Variants in UBR1 observed in about 807,000 individuals in gnomAD.
UBR1 encodes ubiquitin protein ligase E3 component n-recognin 1.
Under a neutral mutation model 242.1 loss-of-function variants are expected in UBR1, and 102 were observed. The ratio of observed to expected loss-of-function variants is 0.42; its 90% CI spans 0.36 to 0.50. The LOEUF is 0.50. UBR1 is among the 20% of genes least tolerant of loss of function. The pLI is 0.01. For missense variants in UBR1, 1,772 were observed against 2,101.8 expected (o/e 0.84, Z 3.07); for synonymous variants, 675 against 684.8 (o/e 0.99, Z 0.22).
Position 42,960,627 on chromosome 15 carries a change from T to A in UBR1, c.4757+18A>T. The A allele has an allele frequency of 1.9e-6, 3 of 1,613,414 alleles. No individual in the cohort carries two copies. Among genetic ancestry groups the A allele is most frequent in the Non-Finnish European group, 1.7e-6 (2 of 1,179,458 alleles). On this transcript the variant is annotated intron_variant, in intron 43 of 46. Transcript: ENST00000290650. ...CAACTTGTGGATGAGGGAGAAAGGA[T>A]TAAGTAGTAAAACCAACCTGACCAC...
intron 22 of UBR1, among the ~76,000 whole-genome samples, 154 bp downstream of exon 22, chr15:43,027,622 A>C (rs536069911): frequency 6.6e-6 from 1 of 152,130 alleles, no homozygotes; most frequent in African/African-American, 2.4e-5. Flanking sequence ...CTAAGTGTCT[A>C]CTGTGAGCCC....
intron 44 of UBR1, among the ~76,000 whole-genome samples, chr15:42,954,160 C>T (rs926360522): frequency 2.0e-5 from 3 of 152,112 alleles, no homozygotes; most frequent in African/African-American, 7.2e-5. Context: ...GCTGGGGTTA[C>T]AGACATGAGC....
chr15:43,000,510 CCTTTAT>C (rs1288655733), intron 32 of UBR1, among the ~76,000 whole-genome samples: 18 of 152,250 alleles, frequency 1.2e-4, no homozygotes, highest in Admixed American at 2.6e-4. Flanking sequence ...ATTATGATTT[CCTTTAT>C]CTTTGTCTTC....
At chr15:42,950,785 T>C (rs1328425519) in intron 45 of UBR1, among the ~76,000 whole-genome samples, 1 of 152,144 alleles carries the variant, frequency 6.6e-6, no homozygotes, top group Non-Finnish European at 1.5e-5. Flanking sequence ...GAATATCAAC[T>C]AGGGAAGTAT....
chr15:42,964,878 A>G (rs2032080650), intron 41 of UBR1, among the ~76,000 whole-genome samples: 1 of 152,216 alleles, frequency 6.6e-6, no homozygotes, highest in African/African-American at 2.4e-5. Flanking sequence ...TATGAAAACT[A>G]TCTCAGAGAG....
chr15:43,042,828 A>T (rs2033436859), intron 15 of UBR1, among the ~76,000 whole-genome samples: 1 of 152,208 alleles, frequency 6.6e-6, no homozygotes, highest in Non-Finnish European at 1.5e-5. Context: ...GATTAAGGAG[A>T]ATCTATGATT....
intron 35 of UBR1, among the ~76,000 whole-genome samples, chr15:42,986,800 G>C (rs1049207520): frequency 2.0e-5 from 3 of 152,202 alleles, no homozygotes; most frequent in African/African-American, 7.2e-5. Flanking sequence ...GCAGACAGGT[G>C]GGAGGCCACG....
chr15:42,984,750 A>C (rs1369201664), intron 36 of UBR1, 137 bp downstream of exon 36: 3 of 757,342 alleles, frequency 4.0e-6, no homozygotes, highest in African/African-American at 1.8e-5. Context: ...AGACTGATGC[A>C]GTTCCTTTTT....
chr15:43,086,534 A>AG (rs1438071516), intron 1 of UBR1, among the ~76,000 whole-genome samples: 2 of 152,076 alleles, frequency 1.3e-5, no homozygotes, highest in Admixed American at 6.6e-5. Flanking sequence ...TTCTATTATC[A>AG]GTCACAGGCT....
chr15:43,038,585 C>T (rs1596113519), intron 15 of UBR1, among the ~76,000 whole-genome samples: 1 of 152,000 alleles, frequency 6.6e-6, no homozygotes, highest in East Asian at 1.9e-4. Context: ...CAGAGTGAGA[C>T]TCCGTCTTAA....
At chr15:43,098,560 C>T (rs1307892448) in intron 1 of UBR1, among the ~76,000 whole-genome samples, 1 of 152,176 alleles carries the variant, frequency 6.6e-6, no homozygotes, top group Admixed American at 6.5e-5. Flanking sequence ...TCCAGACACA[C>T]TCTTTGTGCA....
chr15:43,092,121 C>T lies in UBR1; in HGVS notation c.82-5881G>A, dbSNP rs965451526. On this transcript the variant is annotated intron_variant, in intron 1 of 46. Coordinates refer to ENST00000290650, the MANE Select transcript of UBR1 (RefSeq NM_174916.3). ...AAATTATACTCTTGGCTGATTTAGG[C>T]AGAATGTCTGGGTGCTGATGCCTTA... The T allele has an allele frequency of 7.4e-6, 3 of 406,628 alleles. No individual in the cohort carries two copies. In the Admixed American group the frequency reaches 8.1e-5, roughly 11 times the overall value. The allele number at this position is 406,628 out of a possible 1,614,324, so 25.2% of individuals were successfully genotyped here.
Position 42,970,607 on chromosome 15 carries a change from C to T in UBR1, c.4370G>A (p.Gly1457Asp), listed in dbSNP as rs973556447. 5 of 1,613,214 alleles carry T rather than the reference C, an allele frequency of 3.1e-6. No individual in the cohort carries two copies. The highest frequency in any genetic ancestry group is 4.2e-6 in the Non-Finnish European group (5 of 1,179,894). Residue 1457 changes from glycine to aspartate, a missense_variant and splice_region_variant, in exon 40 of 47, where the codon GGC (glycine) becomes GAC (aspartate). By Grantham distance (94) the Gly-to-Asp change is moderately conservative. Transcript: ENST00000290650. ...MLQILLTVDTGLPLAQVQEDS... is the reference protein window; with the variant it reads ...MLQILLTVDTDLPLAQVQEDS... Reference sequence around the variant, plus strand: ...TTCTTGAACCTGAGCAAGGGGTAGGCCTGAAAAAGAAATTCTGCAAGATGA... The same window carrying T: ...TTCTTGAACCTGAGCAAGGGGTAGGTCTGAAAAAGAAATTCTGCAAGATGA...
chr15:43,011,793 A>C (rs1458677498), intron 29 of UBR1: 1 of 347,152 alleles, frequency 2.9e-6, no homozygotes, highest in East Asian at 8.5e-5. Context: ...GAGTTCCACA[A>C]GGAGACACAT....
chr15:42,985,760 A>C (rs1330578125), intron 35 of UBR1, among the ~76,000 whole-genome samples: 3 of 151,246 alleles, frequency 2.0e-5, no homozygotes, highest in Non-Finnish European at 4.4e-5. Flanking sequence ...TGGGTGAGGC[A>C]GGAGGACTGC....
intron 29 of UBR1, among the ~76,000 whole-genome samples, chr15:43,012,575 A>T (rs1432002337): frequency 6.6e-6 from 1 of 152,238 alleles, no homozygotes; most frequent in South Asian, 2.1e-4. Context: ...TAATGAAAGC[A>T]TTAAGGCCAT....
intron 14 of UBR1, among the ~76,000 whole-genome samples, chr15:43,046,539 G>A (rs2141325776): frequency 6.6e-6 from 1 of 152,214 alleles, no homozygotes; most frequent in East Asian, 1.9e-4. Context: ...ATTAGACTTA[G>A]AAAGAGACAA....
intron 12 of UBR1, among the ~76,000 whole-genome samples, chr15:43,049,616 G>A (rs2033529302): frequency 6.6e-6 from 1 of 151,844 alleles, no homozygotes. Flanking sequence ...CATTTTTTTT[G>A]AACTGCAAAG....
chr15:43,051,792 A>AT lies in UBR1; in HGVS notation c.1439+2949dup, dbSNP rs558860194. Among the ~76,000 whole-genome samples, 348 of 152,330 alleles carry AT rather than the reference A, an allele frequency of 2.3e-3. 1 individual carries two copies. Among genetic ancestry groups the AT allele is most frequent in the African/African-American group, 8.0e-3 (332 of 41,580 alleles). ...GAAGGGAAGGAAAAGAAGTCTGTAG[A>AT]TAAAAATAGGTGGCAAAAGCAATGG... On this transcript the variant is annotated intron_variant, in intron 12 of 46. Transcript: ENST00000290650.
Sources: gnomAD v4.1 joint callset for allele counts (sites outside exome capture counted in the v4.1 genomes callset) on GRCh38, gnomAD v4.1.1 for gene constraint, MANE v1.5 for transcripts, NCBI Gene and HGNC (gene_info 2026-07-23, HGNC 2026-07-21) for gene names.